Variants in ARHGEF28 observed in about 807,000 individuals in gnomAD.
The protein encoded by ARHGEF28 is Rho guanine nucleotide exchange factor 28.
A neutral mutation model predicts 206.6 loss-of-function variants in ARHGEF28; 152 were observed. The ratio of observed to expected loss-of-function variants is 0.74; its 90% CI spans 0.64 to 0.84. The LOEUF (loss-of-function observed/expected upper bound fraction) is 0.84. Ranked by LOEUF, ARHGEF28 falls within the 40% of genes least tolerant of loss-of-function variation. The probability of loss-of-function intolerance (pLI) is 0.00; values close to 1 mark genes in which losing one functional copy is unlikely to be tolerated. For synonymous variants in ARHGEF28, 763 were observed against 776.4 expected (o/e 0.98, Z 0.29); for missense variants, 2,028 against 2,073.2 (o/e 0.98, Z 0.42).
chr5:73,890,833 C>A (rs929674117), intron 26 of ARHGEF28, among the ~76,000 whole-genome samples: 9 of 152,204 alleles, frequency 5.9e-5, no homozygotes, highest in Non-Finnish European at 1.3e-4. Flanking sequence ...AAGAAGAATT[C>A]TTCATATTAT....
intron 9 of ARHGEF28, among the ~76,000 whole-genome samples, chr5:73,830,332 T>A (rs1258431022): frequency 6.6e-6 from 1 of 151,950 alleles, no homozygotes; most frequent in Non-Finnish European, 1.5e-5. Flanking sequence ...GGCGGCTGGA[T>A]CACGAGGTCA....
At position 73,776,715 on chromosome 5, in the gene ARHGEF28, T is replaced by C; in HGVS notation, c.840+19T>C. On this transcript the variant is annotated intron_variant, in intron 6 of 35. Coordinates refer to ENST00000513042, the MANE Select transcript of ARHGEF28 (RefSeq NM_001177693.2). ...TGTCAAGGTTTGTACATAGTGATTC[T>C]AGCATGTGATAATGCATGCTTCAGA... 1 of 1,583,970 alleles carries C rather than the reference T, an allele frequency of 6.3e-7. No homozygotes were observed. Among genetic ancestry groups the C allele is most frequent in the Non-Finnish European group, 8.6e-7 (1 of 1,160,148 alleles).
At chr5:73,889,770 T>C (rs1387554696) in intron 26 of ARHGEF28, among the ~76,000 whole-genome samples, 1 of 152,118 alleles carries the variant, frequency 6.6e-6, no homozygotes, top group African/African-American at 2.4e-5. Flanking sequence ...TCAGAAGCAA[T>C]GAGACAATAG....
At chr5:73,824,699 C>A (rs1396887779) in intron 9 of ARHGEF28, among the ~76,000 whole-genome samples, 1 of 152,030 alleles carries the variant, frequency 6.6e-6, no homozygotes, top group African/African-American at 2.4e-5. Flanking sequence ...AACTCCTGAC[C>A]TCAGGTGATT....
chr5:73,720,555 A>G (rs985329401), intron 2 of ARHGEF28, among the ~76,000 whole-genome samples: 8 of 152,128 alleles, frequency 5.3e-5, no homozygotes, highest in Non-Finnish European at 7.3e-5. Context: ...AATAGGGAAA[A>G]TGCAAGAGGA....
intron 6 of ARHGEF28, 102 bp downstream of exon 6, chr5:73,776,798 T>C (rs562492700): frequency 9.1e-7 from 1 of 1,104,056 alleles, no homozygotes; most frequent in African/African-American, 1.6e-5. Context: ...TAGGACTTTT[T>C]TTAATGAAAC....
At chr5:73,644,531 TA>T (rs903758810) in intron 1 of ARHGEF28, among the ~76,000 whole-genome samples, 1 of 152,238 alleles carries the variant, frequency 6.6e-6, no homozygotes, top group African/African-American at 2.4e-5. Flanking sequence ...CTAGCCCTGA[TA>T]ATCTTCAGTC....
At chr5:73,781,285 C>A (rs1342119046) in intron 7 of ARHGEF28, among the ~76,000 whole-genome samples, 1 of 152,162 alleles carries the variant, frequency 6.6e-6, no homozygotes. Flanking sequence ...CAGCTGTTTA[C>A]AGTCCTGATG....
At chr5:73,927,091 T>C (rs566640222) in intron 35 of ARHGEF28, among the ~76,000 whole-genome samples, 1 of 152,284 alleles carries the variant, frequency 6.6e-6, no homozygotes, top group East Asian at 1.9e-4. Context: ...CCAGGTGCAG[T>C]GGCTCATGCC....
chr5:73,676,267 C>T (rs1482051239), intron 1 of ARHGEF28, among the ~76,000 whole-genome samples: 1 of 150,340 alleles, frequency 6.7e-6, no homozygotes, highest in Non-Finnish European at 1.5e-5. Context: ...CAGAGTTTTG[C>T]TCTTGTTGCC....
chr5:73,913,235 G>T (rs67847244), intron 35 of ARHGEF28, among the ~76,000 whole-genome samples: 19,832 of 152,164 alleles, frequency 0.13, 2,778 homozygotes, highest in African/African-American at 0.35. Flanking sequence ...AAAGTCAACT[G>T]TGGCTTAAAT....
At chr5:73,834,276 C>T (rs1012133064) in intron 10 of ARHGEF28, among the ~76,000 whole-genome samples, 4 of 152,118 alleles carry the variant, frequency 2.6e-5, no homozygotes, top group Admixed American at 6.6e-5. Context: ...TACATTAGGT[C>T]TCAAGAACTT....
chr5:73,667,549 C>T (rs1025071515), intron 1 of ARHGEF28, among the ~76,000 whole-genome samples: 1 of 152,200 alleles, frequency 6.6e-6, no homozygotes, highest in African/African-American at 2.4e-5. Context: ...GGGTCATTCT[C>T]CCATCATCTT....
At chr5:73,676,558 C>T (rs967015332) in intron 1 of ARHGEF28, among the ~76,000 whole-genome samples, 7 of 152,140 alleles carry the variant, frequency 4.6e-5, no homozygotes, top group Non-Finnish European at 8.8e-5. Context: ...ATTTTCAAAG[C>T]ATGATTGTGA....
chr5:73,825,939 A>G (rs1482783146), intron 9 of ARHGEF28, among the ~76,000 whole-genome samples: 1 of 152,044 alleles, frequency 6.6e-6, no homozygotes, highest in Non-Finnish European at 1.5e-5. Flanking sequence ...AAAATGTGAG[A>G]GTCATCATCA....
chr5:73,897,920 A>G, intron 29 of ARHGEF28, 42 bp from the exon 30 acceptor site: 1 of 1,539,654 alleles, frequency 6.5e-7, no homozygotes, highest in Non-Finnish European at 8.8e-7. Flanking sequence ...ATATATACCT[A>G]TCTTTGTTTT....
Position 73,774,061 on chromosome 5 carries a change from C to G in ARHGEF28, c.659+23C>G, listed in dbSNP as rs755018076. 5.8e-6 allele frequency: 9 copies of G among 1,550,564 alleles called. No homozygotes were observed. In the African/African-American group the frequency reaches 8.2e-5, roughly 14 times the overall value. Reference sequence around the variant, plus strand: ...AAAGTGAGTTTAGCTACTTGATAGTCTCTCTCTTATTTGTATAAAGTCGGC... The same window carrying G: ...AAAGTGAGTTTAGCTACTTGATAGTGTCTCTCTTATTTGTATAAAGTCGGC... On this transcript the variant is annotated intron_variant, in intron 5 of 35. Coordinates refer to ENST00000513042, the MANE Select transcript of ARHGEF28 (RefSeq NM_001177693.2).
At chr5:73,757,402 C>G (rs1752373974) in intron 4 of ARHGEF28, among the ~76,000 whole-genome samples, 1 of 152,152 alleles carries the variant, frequency 6.6e-6, no homozygotes, top group African/African-American at 2.4e-5. Context: ...ATAAATAGAT[C>G]TTACCGAAGG....
chr5:73,862,634 A>C (rs1179831280), intron 16 of ARHGEF28, among the ~76,000 whole-genome samples: 1 of 152,122 alleles, frequency 6.6e-6, no homozygotes, highest in Non-Finnish European at 1.5e-5. Flanking sequence ...AAGGCTAATA[A>C]TTTAATATCT....
Sources: gnomAD v4.1 joint callset for allele counts (sites outside exome capture counted in the v4.1 genomes callset) on GRCh38, gnomAD v4.1.1 for gene constraint, MANE v1.5 for transcripts, NCBI Gene and HGNC (gene_info 2026-07-23, HGNC 2026-07-21) for gene names.